Variants in TSPAN4 observed in about 807,000 individuals in gnomAD.
The protein encoded by TSPAN4 is tetraspanin-4.
TSPAN4 carries 38 observed loss-of-function variants against 31.5 expected under a neutral mutation model. The observed-to-expected ratio is 1.21, with a 90% CI of 0.93 to 1.58. The LOEUF is 1.58. TSPAN4 is among the 40% of genes most tolerant of loss of function. The pLI is 0.00. For synonymous variants in TSPAN4, 186 were observed against 144.6 expected (o/e 1.29, Z -2.06); for missense variants, 330 against 317.3 (o/e 1.04, Z -0.30).
intron 1 of TSPAN4, among the ~76,000 whole-genome samples, chr11:845,385 G>A (rs1444956458): frequency 1.3e-5 from 2 of 151,646 alleles, no homozygotes; most frequent in Admixed American, 1.3e-4. Flanking sequence ...TGTAGATGGG[G>A]CCGGGTCCTC....
intron 3 of TSPAN4, among the ~76,000 whole-genome samples, chr11:851,852 C>T (rs1179765254): frequency 6.6e-6 from 1 of 152,128 alleles, no homozygotes; most frequent in East Asian, 1.9e-4. Flanking sequence ...GAGGGGAAGC[C>T]CTCTCTCCTC....
intron 3 of TSPAN4, 55 bp from the exon 4 acceptor site, chr11:862,495 A>C: frequency 1.1e-5 from 17 of 1,493,082 alleles, no homozygotes; most frequent in East Asian, 2.3e-5. Flanking sequence ...CCTGGGGTCC[A>C]GAGCTTGCAT....
At chr11:864,623 G>T in intron 5 of TSPAN4, 112 bp downstream of exon 5, 1 of 1,374,770 alleles carries the variant, frequency 7.3e-7, no homozygotes, top group Non-Finnish European at 1.0e-6. Flanking sequence ...TGCCCTCACG[G>T]GCAGCCAGGA....
chr11:865,155 T>G, intron 5 of TSPAN4: 1 of 245,178 alleles, frequency 4.1e-6, no homozygotes, highest in Non-Finnish European at 8.0e-6. Context: ...TCACTGAATA[T>G]TGGGGACCGA....
intron 1 of TSPAN4, among the ~76,000 whole-genome samples, chr11:846,549 C>T (rs1232441904): frequency 1.3e-5 from 2 of 152,174 alleles, no homozygotes; most frequent in East Asian, 1.9e-4. Flanking sequence ...GTGGGCACTG[C>T]GTTTGGCTGC....
At position 865,611 on chromosome 11, in the gene TSPAN4, C is replaced by T. The variant is rs373649936; in HGVS notation, c.429C>T (p.Thr143=). 55 of 1,612,850 alleles carry T rather than the reference C, an allele frequency of 3.4e-5. No homozygotes were observed. In the African/African-American group the frequency reaches 4.5e-4, roughly 13 times the overall value. Residue 143 remains threonine, a synonymous_variant, in exon 6 of 9, where the codon ACC becomes ACT. Coordinates refer to ENST00000397397, the MANE Select transcript of TSPAN4 (RefSeq NM_003271.5). ...CCAACGCCTGGAGCATCATCCAGACCGACGTGAGGCGTGGGCAGGTGGGCG... is the reference window on the plus strand; with the variant it reads ...CCAACGCCTGGAGCATCATCCAGACTGACGTGAGGCGTGGGCAGGTGGGCG... The part of the protein sequence containing the change: ...GLTNAWSIIQ[T]DFRCCGVSNY...
intron 1 of TSPAN4, chr11:843,792 C>G (rs1275816239): frequency 9.5e-6 from 1 of 105,520 alleles, no homozygotes; most frequent in Admixed American, 1.1e-4. Flanking sequence ...GCTGGTTTGC[C>G]GGCCTGGGGC....
Position 866,716 on chromosome 11 carries a change from G to T in TSPAN4, c.*86G>T. 1.5e-6 allele frequency: 2 copies of T among 1,336,400 alleles called. No homozygotes were observed. Among genetic ancestry groups the T allele is most frequent in the South Asian group, 1.4e-5 (1 of 73,912 alleles). 82.8% of individuals were successfully genotyped at this position (1,336,400 alleles called of 1,614,324 possible). A position where few individuals can be genotyped will look rare whatever the true frequency, so the allele number is the denominator to read the frequency against. On this transcript the variant is annotated 3_prime_UTR_variant, in exon 9 of 9. Coordinates refer to ENST00000397397, the MANE Select transcript of TSPAN4 (RefSeq NM_003271.5). ...GCTGCCTTTCCCACCACCAGCCTCG[G>T]TGCTCTGCCCCATGCTGGGAGGAGG... is the stretch of plus-strand genomic sequence containing the variant.
intron 1 of TSPAN4, chr11:844,704 T>C (rs1292238100): frequency 3.5e-5 from 3 of 84,644 alleles, no homozygotes; most frequent in African/African-American, 5.8e-5. Flanking sequence ...CGGCCTGGCT[T>C]CTGGGGGGGG....
chr11:855,584 TCTC>T (rs1414170217), intron 3 of TSPAN4, among the ~76,000 whole-genome samples: 16 of 152,226 alleles, frequency 1.1e-4, no homozygotes, highest in African/African-American at 3.6e-4. Context: ...GTGGGGCTGG[TCTC>T]CTCATCTCTG....
chr11:849,959 C>T (rs190531748), intron 2 of TSPAN4: 5,571 of 153,538 alleles, frequency 0.036, 122 homozygotes, highest in Middle Eastern at 0.11. Flanking sequence ...AGGCGCCGGC[C>T]GGCGGGATGG....
At chr11:854,523 C>T (rs1004174809) in intron 3 of TSPAN4, among the ~76,000 whole-genome samples, 7 of 152,126 alleles carry the variant, frequency 4.6e-5, no homozygotes, top group Admixed American at 4.6e-4. Context: ...GGAGACCCCC[C>T]AGGTGGGCAG....
intron 3 of TSPAN4, among the ~76,000 whole-genome samples, chr11:853,365 C>T (rs1203172331): frequency 6.6e-6 from 1 of 152,194 alleles, no homozygotes; most frequent in Non-Finnish European, 1.5e-5. Context: ...GGGTCCAGGC[C>T]TGAGCCCCCC....
In TSPAN4 at chr11:861,434, T is replaced by C. The variant is rs192683113; in HGVS notation, c.64-1116T>C. On this transcript the variant is annotated intron_variant, in intron 3 of 8. Coordinates refer to ENST00000397397, the MANE Select transcript of TSPAN4 (RefSeq NM_003271.5). ...TTGAGATCAAGACCATCCTGGCGGC[T>C]GGGCGTGGTGGCTCACGCCTGGAAT... 3.0e-3 allele frequency among the ~76,000 whole-genome samples: 455 copies of C among 152,048 alleles called. 2 individuals are homozygous for C. Among genetic ancestry groups the C allele is most frequent in the African/African-American group, 0.011 (438 of 41,474 alleles).
At chr11:846,098 C>A (rs1847308743) in intron 1 of TSPAN4, among the ~76,000 whole-genome samples, 1 of 152,056 alleles carries the variant, frequency 6.6e-6, no homozygotes, top group African/African-American at 2.4e-5. Flanking sequence ...GCCCGTGGGC[C>A]TGGGGGGCCA....
Position 865,544 on chromosome 11 carries a change from A to C in TSPAN4, c.362A>C (p.Lys121Thr), listed in dbSNP as rs1274076475. 1 of 1,612,308 alleles carries C rather than the reference A, an allele frequency of 6.2e-7. No individual in the cohort carries two copies. The highest frequency in any genetic ancestry group is 1.7e-5 in the Admixed American group (1 of 59,998). Residue 121 changes from lysine to threonine, a missense_variant, in exon 6 of 9, where the codon AAA becomes ACA. Transcript: ENST00000397397. ...AGGTATGCCCAGCAAGACCTGAAGA[A>C]AGGCTTGCACCTGTACGGCACGCAG... is the stretch of plus-strand genomic sequence containing the variant. ...IDRYAQQDLKKGLHLYGTQGN... is the reference protein window; with the variant it reads ...IDRYAQQDLKTGLHLYGTQGN...
At chr11:863,012 C>T (rs1848556457) in intron 4 of TSPAN4, 6 of 447,748 alleles carry the variant, frequency 1.3e-5, no homozygotes, top group South Asian at 3.3e-5. Context: ...GGGACACTGG[C>T]CCTGGTGAGT....
Position 865,701 on chromosome 11 carries a change from G to C in TSPAN4, c.440G>C (p.Cys147Ser), listed in dbSNP as rs1848741061. ...AWSIIQTDFRCCGVSNYTDWF... is the reference protein window; with the variant it reads ...AWSIIQTDFRSCGVSNYTDWF... ...CCTGAGCTTGCCCCCCAGTTCCGCT[G>C]CTGTGGCGTCTCCAACTACACTGAC... The change falls in exon 7 of 9, where the codon TGC becomes TCC. Residue 147 changes from cysteine (C) to serine (S), a missense_variant. Cys to Ser is a moderately radical substitution (Grantham distance 112, BLOSUM62 -1). Coordinates refer to ENST00000397397, the MANE Select transcript of TSPAN4 (RefSeq NM_003271.5). The C allele has an allele frequency of 6.2e-7, 1 of 1,613,222 alleles. No individual in the cohort carries two copies. Among genetic ancestry groups the C allele is most frequent in the Non-Finnish European group, 8.5e-7 (1 of 1,179,942 alleles).
At position 866,584 on chromosome 11, in the gene TSPAN4, T is replaced by C. The variant is rs1848863629; in HGVS notation, c.671T>C (p.Met224Thr). 6.2e-7 allele frequency: 1 copy of C among 1,613,542 alleles called. No homozygotes were observed. Among genetic ancestry groups the C allele is most frequent in the East Asian group, 2.2e-5 (1 of 44,860 alleles). Residue 224 changes from methionine to threonine, a missense_variant, in exon 9 of 9, where the codon ATG becomes ACG. Transcript: ENST00000397397. ...LVQILGLTFA[M>T]TMYCQVVKAD... The stretch of plus-strand genomic sequence containing the variant: ...CAGATCCTGGGCCTGACCTTCGCCA[T>C]GACCATGTACTGCCAAGTGGTCAAG...
Sources: allele counts gnomAD v4.1 joint callset (sites outside exome capture counted in the v4.1 genomes callset), GRCh38; gene constraint gnomAD v4.1.1; transcripts MANE v1.5; gene names NCBI Gene and HGNC (gene_info 2026-07-23, HGNC 2026-07-21).